EYS: variants seen among roughly 807,000 people sequenced by gnomAD.
The protein encoded by EYS is protein eyes shut homolog.
Under a neutral mutation model 282.1 loss-of-function variants are expected in EYS, and 250 were observed. That is an observed-to-expected ratio of 0.89 (90% CI 0.80 to 0.98). The LOEUF (loss-of-function observed/expected upper bound fraction) is 0.98, where lower values mean the gene tolerates loss of function less well. Ranked by LOEUF, EYS falls within the 50% of genes least tolerant of loss-of-function variation. The probability of loss-of-function intolerance (pLI) is 0.00; values close to 1 mark genes in which losing one functional copy is unlikely to be tolerated. For synonymous variants in EYS, 1,355 were observed against 1,282.9 expected (o/e 1.06, Z -1.20); for missense variants, 4,016 against 3,709.0 (o/e 1.08, Z -2.15).
chr6:63,838,992 T>C (rs575260374), intron 36 of EYS, among the ~76,000 whole-genome samples: 1 of 152,214 alleles, frequency 6.6e-6, no homozygotes, highest in Non-Finnish European at 1.5e-5. Context: ...TTAATACATA[T>C]AGGCAATGTG....
chr6:65,426,806 TTAA>T (rs1311407573), intron 5 of EYS, among the ~76,000 whole-genome samples: 3 of 152,084 alleles, frequency 2.0e-5, no homozygotes, highest in Non-Finnish European at 4.4e-5. Flanking sequence ...TCAACAGATG[TTAA>T]TAAGTTATAA....
At chr6:63,889,667 A>C (rs1380456241) in intron 35 of EYS, among the ~76,000 whole-genome samples, 1 of 152,000 alleles carries the variant, frequency 6.6e-6, no homozygotes, top group Admixed American at 6.6e-5. Flanking sequence ...CAGCAGAAAC[A>C]AACCAAAATG....
intron 2 of EYS, among the ~76,000 whole-genome samples, chr6:65,600,311 C>CTATAATA (rs1562280822): frequency 1.3e-5 from 2 of 151,958 alleles, no homozygotes; most frequent in Non-Finnish European, 2.9e-5. Context: ...AGCTGAGCCC[C>CTATAATA]TAGTGATTCA....
chr6:64,540,615 T>G (rs1167660085), intron 26 of EYS, among the ~76,000 whole-genome samples: 1 of 151,388 alleles, frequency 6.6e-6, no homozygotes, highest in African/African-American at 2.4e-5. Flanking sequence ...CCTGAGTAGC[T>G]GGGATCACAG....
chr6:64,079,719 C>T (rs867110119), intron 32 of EYS, among the ~76,000 whole-genome samples: 39 of 152,192 alleles, frequency 2.6e-4, no homozygotes, highest in African/African-American at 9.2e-4. Flanking sequence ...CTATCGCTCC[C>T]CGCTCCCCTG....
intron 36 of EYS, among the ~76,000 whole-genome samples, chr6:63,835,524 T>G (rs1277296302): frequency 6.6e-6 from 1 of 152,050 alleles, no homozygotes; most frequent in Non-Finnish European, 1.5e-5. Context: ...ATGTGGGAAC[T>G]AAGTTATGAA....
At chr6:64,371,451 G>A (rs959178227) in intron 29 of EYS, among the ~76,000 whole-genome samples, 1 of 151,922 alleles carries the variant, frequency 6.6e-6, no homozygotes, top group African/African-American at 2.4e-5. Context: ...TAATTTTAGC[G>A]TATGTGGCAT....
chr6:64,214,660 G>A (rs968998725), intron 31 of EYS, among the ~76,000 whole-genome samples: 1 of 151,902 alleles, frequency 6.6e-6, no homozygotes, highest in Non-Finnish European at 1.5e-5. Context: ...ACCATAGGAA[G>A]TCATAATCAT....
chr6:64,481,836 A>G (rs1271692401), intron 26 of EYS, among the ~76,000 whole-genome samples: 5 of 151,794 alleles, frequency 3.3e-5, no homozygotes, highest in Admixed American at 3.3e-4. Flanking sequence ...ACTTTGTGCA[A>G]ATAAAAGTTA....
chr6:64,616,954 TTCTA>T (rs1767291990), intron 24 of EYS, among the ~76,000 whole-genome samples: 1 of 152,080 alleles, frequency 6.6e-6, no homozygotes, highest in Non-Finnish European at 1.5e-5. Flanking sequence ...GGAAAGTCAT[TTCTA>T]GTGCTAATGG....
At chr6:64,348,969 T>C (rs1321567969) in intron 29 of EYS, among the ~76,000 whole-genome samples, 1 of 151,442 alleles carries the variant, frequency 6.6e-6, no homozygotes, top group Non-Finnish European at 1.5e-5. Context: ...TATTAGGACT[T>C]TGAATATTAT....
intron 26 of EYS, among the ~76,000 whole-genome samples, chr6:64,507,112 C>A (rs919230333): frequency 2.0e-5 from 3 of 151,584 alleles, no homozygotes; most frequent in Non-Finnish European, 4.4e-5. Flanking sequence ...TACTGACAAC[C>A]ATCATCTTGT....
At chr6:65,154,170 C>G (rs1336919709) in intron 12 of EYS, among the ~76,000 whole-genome samples, 3 of 151,666 alleles carry the variant, frequency 2.0e-5, no homozygotes, top group African/African-American at 7.3e-5. Context: ...AGATATTTTA[C>G]TTACATGATC....
chr6:64,657,114 TTCTTTGTC>T (rs1768779107), intron 22 of EYS, among the ~76,000 whole-genome samples: 1 of 152,230 alleles, frequency 6.6e-6, no homozygotes, highest in Admixed American at 6.5e-5. Context: ...TGTAATGGCC[TTCTTTGTC>T]TCTTTTGAAC....
chr6:65,439,109 G>C (rs929001593), intron 5 of EYS, among the ~76,000 whole-genome samples: 1 of 152,068 alleles, frequency 6.6e-6, no homozygotes, highest in African/African-American at 2.4e-5. Flanking sequence ...TATTAAATAG[G>C]GAATCATTTT....
intron 12 of EYS, among the ~76,000 whole-genome samples, chr6:65,206,104 A>G (rs373682850): frequency 6.6e-6 from 1 of 151,802 alleles, no homozygotes; most frequent in Non-Finnish European, 1.5e-5. Flanking sequence ...AAAGTTGTTT[A>G]TTGGAAAGGA....
chr6:64,513,665 A>G (rs1000488870), intron 26 of EYS, among the ~76,000 whole-genome samples: 2 of 151,926 alleles, frequency 1.3e-5, no homozygotes, highest in Non-Finnish European at 2.9e-5. Flanking sequence ...ATCAATATTT[A>G]TAGAATTTTT....
At chr6:64,707,700 C>G (rs1771079696) in intron 22 of EYS, among the ~76,000 whole-genome samples, 1 of 148,110 alleles carries the variant, frequency 6.8e-6, no homozygotes, top group Admixed American at 6.7e-5. Flanking sequence ...ACATTGGGTA[C>G]AGTGTACACT....
rs1773334573 is a variant in EYS at position 64,115,142 on chromosome 6, A to G, written c.6425-33140T>C. ...AGCTACCTCTGTAGAAGGTACATCT[A>G]TGGCCCAGACCCAGGAACAGTGGTT... On this transcript the variant is annotated intron_variant, in intron 31 of 42. Coordinates refer to ENST00000503581, the MANE Select transcript of EYS (RefSeq NM_001142800.2). 2.6e-5 allele frequency among the ~76,000 whole-genome samples: 4 copies of G among 152,194 alleles called. No individual in the cohort carries two copies. The South Asian group carries it at 6.2e-4, about 24-fold the overall frequency.
Sources: gnomAD v4.1 joint callset for allele counts (sites outside exome capture counted in the v4.1 genomes callset) on GRCh38, gnomAD v4.1.1 for gene constraint, MANE v1.5 for transcripts, NCBI Gene and HGNC (gene_info 2026-07-23, HGNC 2026-07-21) for gene names.